TBL1X: variants seen among roughly 807,000 people sequenced by gnomAD.
TBL1X encodes the protein transducin beta like 1 X-linked.
Under a neutral mutation model 50.7 loss-of-function variants are expected in TBL1X, and 10 were observed. The ratio of observed to expected loss-of-function variants is 0.20; its 90% CI spans 0.12 to 0.33. The LOEUF is 0.33. Ranked by LOEUF, TBL1X falls within the 10% of genes least tolerant of loss-of-function variation. The probability of loss-of-function intolerance (pLI) is 1.00; values close to 1 mark genes in which losing one functional copy is unlikely to be tolerated. For missense variants in TBL1X, 340 were observed against 504.4 expected, an observed-to-expected ratio of 0.67 and a Z score of 3.12; for synonymous variants, 190 against 214.7, an observed-to-expected ratio of 0.88 and a Z score of 1.01.
intron 2 of TBL1X, among the ~76,000 whole-genome samples, chrX:9,542,101 A>G (rs1414829487): frequency 9.0e-6 from 1 of 111,328 alleles, no homozygotes; most frequent in African/African-American, 3.3e-5. Flanking sequence ...TGTTACTGCT[A>G]GTATGAACTT....
At chrX:9,655,544 G>C (rs1031508036) in intron 5 of TBL1X, among the ~76,000 whole-genome samples, 2 of 111,998 alleles carry the variant, frequency 1.8e-5, no homozygotes, top group Non-Finnish European at 3.8e-5. Flanking sequence ...CGCTGTTGGT[G>C]AACACTGCAA....
At chrX:9,599,973 A>G (rs1263159075) in intron 2 of TBL1X, among the ~76,000 whole-genome samples, 1 of 111,870 alleles carries the variant, frequency 8.9e-6, no homozygotes, top group African/African-American at 3.3e-5. Context: ...AGGGCAGGAC[A>G]GCCAGTGACT....
chrX:9,660,043 T>G (rs913657618), intron 5 of TBL1X, among the ~76,000 whole-genome samples: 5 of 112,493 alleles, frequency 4.4e-5, no homozygotes, highest in African/African-American at 1.6e-4. Context: ...TAGAAAACTC[T>G]ATACAGCCTC....
chrX:9,690,492 G>A (rs2083090182), intron 7 of TBL1X, among the ~76,000 whole-genome samples: 2 of 111,277 alleles, frequency 1.8e-5, no homozygotes, highest in South Asian at 7.5e-4. Flanking sequence ...AGTCCCACTG[G>A]GTTAGGGCCC....
intron 2 of TBL1X, among the ~76,000 whole-genome samples, chrX:9,567,416 G>A (rs1340521557): frequency 1.8e-5 from 2 of 111,289 alleles, no homozygotes; most frequent in African/African-American, 3.3e-5. Flanking sequence ...AAATTGGCCC[G>A]TTGAGGAAGG....
At chrX:9,542,734 C>T (rs1387736952) in intron 2 of TBL1X, among the ~76,000 whole-genome samples, 1 of 111,984 alleles carries the variant, frequency 8.9e-6, no homozygotes, top group Non-Finnish European at 1.9e-5. Context: ...GTGGTTAAAA[C>T]GTAAGCATCC....
At chrX:9,684,733 A>G (rs1403213204) in intron 6 of TBL1X, among the ~76,000 whole-genome samples, 4 of 111,357 alleles carry the variant, frequency 3.6e-5, no homozygotes, top group Non-Finnish European at 7.5e-5. Context: ...TTTGACTTAA[A>G]TGTAGAATCA....
intron 2 of TBL1X, among the ~76,000 whole-genome samples, chrX:9,622,712 G>A (rs922830755): frequency 3.6e-5 from 4 of 111,952 alleles, no homozygotes; most frequent in Non-Finnish European, 7.5e-5. Context: ...ATGTTGGCCA[G>A]GCTGGTCTCG....
chrX:9,570,252 G>T (rs1307375082), intron 2 of TBL1X, among the ~76,000 whole-genome samples: 1 of 112,054 alleles, frequency 8.9e-6, no homozygotes, highest in Non-Finnish European at 1.9e-5. Flanking sequence ...GCATTTGTGT[G>T]TAGCCAACAC....
At chrX:9,549,532 T>C (rs2082260709) in intron 2 of TBL1X, among the ~76,000 whole-genome samples, 1 of 112,000 alleles carries the variant, frequency 8.9e-6, no homozygotes, top group Non-Finnish European at 1.9e-5. Context: ...TCACTGAAGC[T>C]AAAATATTTA....
chrX:9,593,674 C>T (rs770333638), intron 2 of TBL1X, among the ~76,000 whole-genome samples: 1 of 110,854 alleles, frequency 9.0e-6, no homozygotes, highest in African/African-American at 3.3e-5. Context: ...CTCACCTCTC[C>T]TCCACCCAGT....
chrX:9,514,660 C>T (rs753378673), intron 2 of TBL1X, among the ~76,000 whole-genome samples: 169 of 112,215 alleles, frequency 1.5e-3, no homozygotes, highest in African/African-American at 5.2e-3. Flanking sequence ...TGTCCTTTAC[C>T]GGCTTTCCCC....
intron 2 of TBL1X, among the ~76,000 whole-genome samples, chrX:9,618,753 G>A (rs1297309097): frequency 8.9e-6 from 1 of 112,386 alleles, no homozygotes; most frequent in Non-Finnish European, 1.9e-5. Context: ...TCACTTCGTA[G>A]ATGTATCTCA....
At chrX:9,491,771 T>A (rs774579508) in intron 1 of TBL1X, among the ~76,000 whole-genome samples, 1 of 111,053 alleles carries the variant, frequency 9.0e-6, no homozygotes, top group South Asian at 3.9e-4. Flanking sequence ...GAAAAGGTCC[T>A]TGTCACTGGC....
intron 1 of TBL1X, among the ~76,000 whole-genome samples, chrX:9,500,400 G>A (rs1296461171): frequency 9.1e-6 from 1 of 109,771 alleles, no homozygotes; most frequent in Non-Finnish European, 1.9e-5. Context: ...TTCAAGCCCA[G>A]CCTGGCCAAC....
At chrX:9,714,720 G>A (rs935961376) in intron 16 of TBL1X, among the ~76,000 whole-genome samples, 182 bp from the exon 17 acceptor site, 3 of 112,498 alleles carry the variant, frequency 2.7e-5, no homozygotes, top group Admixed American at 1.9e-4. Flanking sequence ...TTCACTCCTC[G>A]TGGTGGGAAG....
intron 2 of TBL1X, among the ~76,000 whole-genome samples, chrX:9,619,567 C>A (rs2082656288): frequency 8.9e-6 from 1 of 112,592 alleles, no homozygotes; most frequent in South Asian, 3.7e-4. Flanking sequence ...CACACTTACC[C>A]TGTCTCTCAT....
chrX:9,699,075 T>G (rs1225852014), intron 12 of TBL1X, among the ~76,000 whole-genome samples: 1 of 111,131 alleles, frequency 9.0e-6, no homozygotes, highest in African/African-American at 3.3e-5. Flanking sequence ...CCGCCTCCCA[T>G]GCTCAAGCGA....
At chrX:9,683,940 T>TA in intron 5 of TBL1X, 103 bp from the exon 6 acceptor site, 7 of 1,128,128 alleles carry the variant, frequency 6.2e-6, no homozygotes, top group Non-Finnish European at 8.5e-6. Context: ...CCCTGCAAAT[T>TA]AAGTGTGTTT....
Sources: allele counts gnomAD v4.1 joint callset (sites outside exome capture counted in the v4.1 genomes callset), GRCh38; gene constraint gnomAD v4.1.1; transcripts MANE v1.5; gene names NCBI Gene and HGNC (gene_info 2026-07-23, HGNC 2026-07-21).